Variants in LRRC47 observed in about 807,000 individuals in gnomAD.
LRRC47 encodes the protein leucine-rich repeat-containing protein 47.
Under a neutral mutation model 40.9 loss-of-function variants are expected in LRRC47, and 31 were observed. The observed-to-expected ratio is 0.76, with a 90% CI of 0.57 to 1.02. The LOEUF (loss-of-function observed/expected upper bound fraction) is 1.02. Among genes scored for constraint, LRRC47 ranks in the 50% least tolerant of loss-of-function variants. The probability of loss-of-function intolerance (pLI) is 0.00; values close to 1 mark genes in which losing one functional copy is unlikely to be tolerated. For synonymous variants in LRRC47, 427 were observed against 371.9 expected, an observed-to-expected ratio of 1.15 and a Z score of -1.70; for missense variants, 726 against 796.1, an observed-to-expected ratio of 0.91 and a Z score of 1.06.
intron 1 of LRRC47, among the ~76,000 whole-genome samples, chr1:3,793,029 A>G (rs1643641554): frequency 6.6e-6 from 1 of 152,048 alleles, no homozygotes; most frequent in African/African-American, 2.4e-5. Flanking sequence ...CAATGAAACC[A>G]CCTTTGCAAA....
At chr1:3,781,689 A>G (rs1410455185) in intron 5 of LRRC47, 88 bp from the exon 6 acceptor site, 2 of 1,107,726 alleles carry the variant, frequency 1.8e-6, no homozygotes, top group Non-Finnish European at 2.7e-6. Context: ...AAAATCTACA[A>G]AACTGTGTGG....
Position 3,786,763 on chromosome 1 carries a change from C to T in LRRC47, c.1077+86G>A, listed in dbSNP as rs534304554. 216 of 1,297,242 alleles carry T rather than the reference C, an allele frequency of 1.7e-4. 1 individual carries two copies. In the African/African-American group the frequency reaches 2.6e-3, roughly 16 times the overall value. The allele number at this position is 1,297,242 out of a possible 1,614,324, so 80.4% of individuals were successfully genotyped here. A position where few individuals can be genotyped will look rare whatever the true frequency, so the allele number is the denominator to read the frequency against. On this transcript the variant is annotated intron_variant, in intron 2 of 6. Transcript: ENST00000378251. ...GCCCCATACTCCACTGCTGCTCCTTCGGACACGCTGGCCTCAGGATGTGTC... is the reference window on the plus strand; with the variant it reads ...GCCCCATACTCCACTGCTGCTCCTTTGGACACGCTGGCCTCAGGATGTGTC...
rs150916171 is a variant in LRRC47, at chr1:3,781,048, G to A, written c.*40C>T. On this transcript the variant is annotated 3_prime_UTR_variant, in exon 7 of 7. Coordinates refer to ENST00000378251, the MANE Select transcript of LRRC47 (RefSeq NM_020710.3). ...TCAGCATTGCCGCATAGAAACCTCC[G>A]CAAAACCGGCCAAACAAACGCGGAC... 6.1e-5 allele frequency: 98 copies of A among 1,595,916 alleles called. No homozygotes were observed. Among genetic ancestry groups the A allele is most frequent in the South Asian group, 1.0e-4 (9 of 89,776 alleles).
Position 3,781,548 on chromosome 1 carries a change from C to T in LRRC47, c.1467G>A (p.Leu489=). 6.2e-7 allele frequency: 1 copy of T among 1,614,006 alleles called. No homozygotes were observed. ...LFLEVTSATS[L]QICKDVMDAL... is the part of the protein sequence containing the mutation. Reference sequence around the variant, plus strand: ...CATCCATGACATCCTTGCAAATCTGCAGACTGGTGGCACTTGTTACTTCCA... The same window carrying T: ...CATCCATGACATCCTTGCAAATCTGTAGACTGGTGGCACTTGTTACTTCCA... The change falls in exon 6 of 7, where the codon CTG becomes CTA. Residue 489 remains leucine, a synonymous_variant. Coordinates refer to ENST00000378251, the MANE Select transcript of LRRC47 (RefSeq NM_020710.3).
chr1:3,789,728 G>C (rs979499573), intron 1 of LRRC47, among the ~76,000 whole-genome samples: 3 of 152,252 alleles, frequency 2.0e-5, no homozygotes, highest in African/African-American at 7.2e-5. Context: ...GGGAGGGCAA[G>C]AGAGTCACCA....
rs1331542177 is a variant in LRRC47 at position 3,780,446 on chromosome 1, T to G, written c.*642A>C. The G allele has an allele frequency of 1.3e-5, 2 of 152,292 alleles. No homozygotes were observed. The highest frequency in any genetic ancestry group is 4.8e-5 in the African/African-American group (2 of 41,416). The allele number at this position is 152,292 out of a possible 1,614,324, so 9.4% of individuals were successfully genotyped here. A position where few individuals can be genotyped will look rare whatever the true frequency, so the allele number is the denominator to read the frequency against. On this transcript the variant is annotated 3_prime_UTR_variant, in exon 7 of 7. Transcript: ENST00000378251. ...TGGCACATGACTGTACAGTGCCACG[T>G]AACAGCACTGTACTTTTCTCCCATA...
chr1:3,784,275 A>C, intron 3 of LRRC47, 164 bp from the exon 4 acceptor site: 1 of 623,676 alleles, frequency 1.6e-6, no homozygotes, highest in Non-Finnish European at 2.8e-6. Context: ...AAGAAGCTGC[A>C]TGTGGGCTGC....
intron 1 of LRRC47, among the ~76,000 whole-genome samples, chr1:3,793,253 A>G (rs1643643136): frequency 6.6e-6 from 1 of 152,098 alleles, no homozygotes; most frequent in South Asian, 2.1e-4. Flanking sequence ...CTAGGATTAC[A>G]GGCATGTGCC....
rs1344169149 is a variant in LRRC47, at chr1:3,779,606, C to T, written c.*1482G>A. On this transcript the variant is annotated 3_prime_UTR_variant, in exon 7 of 7. Coordinates refer to ENST00000378251, the MANE Select transcript of LRRC47 (RefSeq NM_020710.3). ...TCTACAACAGAAGGCGCCCAGGACC[C>T]ACCTTTCTGGCGCATAAATGAAGAT... 2 of 152,188 alleles carry T rather than the reference C, an allele frequency of 1.3e-5. No individual in the cohort carries two copies. The highest frequency in any genetic ancestry group is 2.9e-5 in the Non-Finnish European group (2 of 68,036). 9.4% of individuals were successfully genotyped at this position (152,188 alleles called of 1,614,324 possible).
chr1:3,794,210 T>TAAC (rs60200934), intron 1 of LRRC47, among the ~76,000 whole-genome samples: 1 of 152,000 alleles, frequency 6.6e-6, no homozygotes, highest in African/African-American at 2.4e-5. Context: ...ACAATAATAA[T>TAAC]AACAGTAAAA....
intron 5 of LRRC47, among the ~76,000 whole-genome samples, chr1:3,782,099 G>A (rs1643525965): frequency 1.3e-5 from 2 of 152,214 alleles, no homozygotes; most frequent in Non-Finnish European, 2.9e-5. Context: ...ACAGTGAGCT[G>A]TAGCTCTGAG....
In LRRC47 at chr1:3,781,521, G is replaced by T. The variant is rs534994614; in HGVS notation, c.1494C>A (p.Ala498=). The stretch of plus-strand genomic sequence containing the variant: ...GCCACCCCACACTCACCAGAATGAG[G>T]GCATCCATGACATCCTTGCAAATCT... ...SLQICKDVMD[A]LILKMAEMKK... is the part of the protein sequence containing the mutation. The change falls in exon 6 of 7, where the codon GCC becomes GCA. Residue 498 remains alanine, a synonymous_variant. Transcript: ENST00000378251. 1 of 1,613,572 alleles carries T rather than the reference G, an allele frequency of 6.2e-7. No individual in the cohort carries two copies. Among genetic ancestry groups the T allele is most frequent in the African/African-American group, 1.3e-5 (1 of 74,856 alleles).
Position 3,796,136 on chromosome 1 carries a change from A to T in LRRC47, c.341T>A (p.Leu114Gln). The change falls in exon 1 of 7, where the codon CTG becomes CAG. Residue 114 changes from leucine (L) to glutamine (Q), a missense_variant. Leu to Gln is a moderately radical substitution (Grantham distance 113). Transcript: ENST00000378251. ...LDLSGNALEA[L>Q]PPGQGLGPAE... is the part of the protein sequence containing the mutation. The stretch of plus-strand genomic sequence containing the variant: ...GGGGCCCAGGCCTTGGCCCGGCGGC[A>T]GCGCCTCCAGCGCGTTGCCCGACAG... The T allele has an allele frequency of 7.0e-7, 1 of 1,430,344 alleles. No homozygotes were observed. The allele number at this position is 1,430,344 out of a possible 1,614,324, so 88.6% of individuals were successfully genotyped here. A position where few individuals can be genotyped will look rare whatever the true frequency, so the allele number is the denominator to read the frequency against.
rs1205553959 is a variant in LRRC47 at position 3,783,786 on chromosome 1, T to G, written c.1310+210A>C. On this transcript the variant is annotated intron_variant, in intron 4 of 6. Transcript: ENST00000378251. ...GGCCAATACCTCCGCTCCTAACACC[T>G]TCCACTTCCCTCACGTCAGGGCCAT... 7.0e-6 allele frequency: 4 copies of G among 573,450 alleles called. No individual in the cohort carries two copies. The African/African-American group carries it at 7.5e-5, about 11-fold the overall frequency. 35.5% of individuals were successfully genotyped at this position (573,450 alleles called of 1,614,324 possible). A position where few individuals can be genotyped will look rare whatever the true frequency, so the allele number is the denominator to read the frequency against.
intron 1 of LRRC47, among the ~76,000 whole-genome samples, chr1:3,794,969 G>A (rs1643659629): frequency 6.8e-6 from 1 of 146,678 alleles, no homozygotes; most frequent in Non-Finnish European, 1.5e-5. Context: ...CAGAAGAACC[G>A]CTTGAACCCG....
In LRRC47 at chr1:3,796,391, G is replaced by C; in HGVS notation, c.86C>G (p.Pro29Arg). 1 of 1,515,810 alleles carries C rather than the reference G, an allele frequency of 6.6e-7. No homozygotes were observed. The highest frequency in any genetic ancestry group is 8.8e-7 in the Non-Finnish European group (1 of 1,139,616). 93.9% of individuals were successfully genotyped at this position (1,515,810 alleles called of 1,614,324 possible). A position where few individuals can be genotyped will look rare whatever the true frequency, so the allele number is the denominator to read the frequency against. The part of the protein sequence containing the change: ...ERRRELLLTG[P>R]GLEERVRAAG... ...CGCCCGCACTCGCTCCTCCAGCCCGGGCCCCGTCAGCAGCAGCTCCCGCCG... is the reference window on the plus strand; with the variant it reads ...CGCCCGCACTCGCTCCTCCAGCCCGCGCCCCGTCAGCAGCAGCTCCCGCCG... The change falls in exon 1 of 7, where the codon CCC becomes CGC. Residue 29 changes from proline (P) to arginine (R), a missense_variant. By Grantham distance (103) the Pro-to-Arg change is moderately radical. Transcript: ENST00000378251.
At chr1:3,795,768 G>C (rs1643667488) in intron 1 of LRRC47, 94 bp downstream of exon 1, 2 of 1,379,048 alleles carry the variant, frequency 1.5e-6, no homozygotes, top group South Asian at 1.6e-5. Flanking sequence ...TGCCCCAGGG[G>C]GCGTCACTAG....
rs1557642343 is a variant in LRRC47, at chr1:3,787,109, C to T, written c.817G>A (p.Glu273Lys). 1.9e-6 allele frequency: 3 copies of T among 1,613,770 alleles called. No homozygotes were observed. Among genetic ancestry groups the T allele is most frequent in the Non-Finnish European group, 2.5e-6 (3 of 1,179,994 alleles). The stretch of plus-strand genomic sequence containing the variant: ...CGGCTCTCTTCCTTCTCCGAGCCCT[C>T]GGCACGGCCCTTGCCCTTCCCGCCA... ...RGGGKGKGRAEGSEKEESRRK... is the reference protein window; with the variant it reads ...RGGGKGKGRAKGSEKEESRRK... The change falls in exon 2 of 7, where the codon GAG (glutamate) becomes AAG (lysine). Residue 273 changes from glutamate (E) to lysine (K), a missense_variant. Physicochemically the swap from Glu to Lys is moderately conservative, Grantham distance 56. Coordinates refer to ENST00000378251, the MANE Select transcript of LRRC47 (RefSeq NM_020710.3).
In LRRC47 at chr1:3,779,103, C is replaced by T. The variant is rs35169286; in HGVS notation, c.*1985G>A. On this transcript the variant is annotated 3_prime_UTR_variant, in exon 7 of 7. Coordinates refer to ENST00000378251, the MANE Select transcript of LRRC47 (RefSeq NM_020710.3). ...ACTGAGTGTGTGGGCCTCGTCCTGT[C>T]TGGAGTCCCCTCCCTCCCACAGTGG... The T allele has an allele frequency of 0.098, 15,004 of 152,418 alleles. 857 individuals carry two copies. The highest frequency in any genetic ancestry group is 0.13 in the African/African-American group (5,359 of 41,578). The allele number at this position is 152,418 out of a possible 1,614,324, so 9.4% of individuals were successfully genotyped here. A position where few individuals can be genotyped will look rare whatever the true frequency, so the allele number is the denominator to read the frequency against.
Sources: allele counts gnomAD v4.1 joint callset (sites outside exome capture counted in the v4.1 genomes callset), GRCh38; gene constraint gnomAD v4.1.1; transcripts MANE v1.5; gene names NCBI Gene and HGNC (gene_info 2026-07-23, HGNC 2026-07-21).